ARID4B: variants seen among roughly 807,000 people sequenced by gnomAD.
ARID4B encodes AT-rich interaction domain 4B.
In ARID4B, 26 loss-of-function variants were observed where a neutral mutation model predicts 147.5. The observed-to-expected ratio is 0.18, with a 90% CI of 0.13 to 0.24. The LOEUF (loss-of-function observed/expected upper bound fraction) is 0.24, where lower values mean the gene tolerates loss of function less well. Among genes scored for constraint, ARID4B ranks in the 10% least tolerant of loss-of-function variants. ARID4B has a pLI of 1.00. For synonymous variants in ARID4B, 512 were observed against 507.9 expected, an observed-to-expected ratio of 1.01 and a Z score of -0.11; for missense variants, 1,179 against 1,511.5, an observed-to-expected ratio of 0.78 and a Z score of 3.65.
intron 2 of ARID4B, among the ~76,000 whole-genome samples, chr1:235,309,671 T>C (rs1288768612): frequency 7.3e-6 from 1 of 136,850 alleles, no homozygotes; most frequent in African/African-American, 2.7e-5. Flanking sequence ...GTCTGGGAGG[T>C]GTACCCAACA....
In ARID4B at chr1:235,169,120, A is replaced by G. The variant is rs1162198314; in HGVS notation, c.3812-468T>C. On this transcript the variant is annotated intron_variant, in intron 23 of 23. Transcript: ENST00000264183. ...AGGCTTAATTGCTTCTTCAAGTTGG[A>G]TCAAAACAGTGCATAGCTCAACTGT... 3.3e-5 allele frequency among the ~76,000 whole-genome samples: 5 copies of G among 152,232 alleles called. No individual in the cohort carries two copies. In the South Asian group the frequency reaches 1.0e-3, roughly 32 times the overall value.
intron 1 of ARID4B, 168 bp from the exon 2 acceptor site, chr1:235,327,136 AT>A (rs1233190775): frequency 5.0e-5 from 29 of 580,330 alleles, no homozygotes; most frequent in Middle Eastern, 4.7e-4. Context: ...CGGCCCCGCC[AT>A]CCCCGCAAAC....
Position 235,182,039 on chromosome 1 carries a change from T to C in ARID4B, c.2880A>G (p.Pro960=). 6.2e-7 allele frequency: 1 copy of C among 1,614,144 alleles called. No homozygotes were observed. The highest frequency in any genetic ancestry group is 8.5e-7 in the Non-Finnish European group (1 of 1,180,020). ...EAAASPPHPA[P]EEGVAEESLQ... is the part of the protein sequence containing the mutation. Reference sequence around the variant, plus strand: ...GTGACTCCTCTGCCACCCCCTCCTCTGGGGCAGGATGCGGTGGGGAAGCTG... The same window carrying C: ...GTGACTCCTCTGCCACCCCCTCCTCCGGGGCAGGATGCGGTGGGGAAGCTG... The change falls in exon 20 of 24, where the codon CCA becomes CCG. Residue 960 remains proline (P), a synonymous_variant. Coordinates refer to ENST00000264183, the MANE Select transcript of ARID4B (RefSeq NM_016374.6).
At chr1:235,176,213 A>G (rs1235084819) in intron 21 of ARID4B, among the ~76,000 whole-genome samples, 2 of 152,104 alleles carry the variant, frequency 1.3e-5, no homozygotes, top group African/African-American at 4.8e-5. Context: ...CAGAATCCCA[A>G]TAAGTAAAAT....
rs148248594 is a variant in ARID4B, at chr1:235,269,782, G to A, written c.7-9030C>T. On this transcript the variant is annotated intron_variant, in intron 2 of 23. Coordinates refer to ENST00000264183, the MANE Select transcript of ARID4B (RefSeq NM_016374.6). ...AACAACTGGCCAGTCTGGTGAAGGA[G>A]ATTACATGAACTATTTATACAGCAA... is the stretch of plus-strand genomic sequence containing the variant. Among the ~76,000 whole-genome samples the A allele has an allele frequency of 4.9e-3, 749 of 152,020 alleles. 7 individuals are homozygous for A. The highest frequency in any genetic ancestry group is 0.017 in the African/African-American group (702 of 41,456).
intron 2 of ARID4B, among the ~76,000 whole-genome samples, chr1:235,272,435 A>T (rs1028228023): frequency 6.6e-6 from 1 of 152,220 alleles, no homozygotes; most frequent in African/African-American, 2.4e-5. Flanking sequence ...AAAAGATTAG[A>T]CATTAGTTAA....
At chr1:235,207,176 A>C (rs1230397275) in intron 17 of ARID4B, among the ~76,000 whole-genome samples, 1 of 152,242 alleles carries the variant, frequency 6.6e-6, no homozygotes, top group Non-Finnish European at 1.5e-5. Flanking sequence ...CAGTAGGTAC[A>C]AAGCAAGGTC....
chr1:235,246,931 TAA>T (rs1200398764), intron 6 of ARID4B, among the ~76,000 whole-genome samples: 1 of 152,208 alleles, frequency 6.6e-6, no homozygotes, highest in African/African-American at 2.4e-5. Context: ...AAATTATTAA[TAA>T]GAAACAAAAT....
At chr1:235,245,670 T>G (rs924745365) in intron 7 of ARID4B, among the ~76,000 whole-genome samples, 6 of 152,180 alleles carry the variant, frequency 3.9e-5, no homozygotes, top group Admixed American at 2.6e-4. Context: ...CATATATAAA[T>G]GAAACTGTTA....
At chr1:235,283,493 A>G (rs1458821019) in intron 2 of ARID4B, among the ~76,000 whole-genome samples, 1 of 152,220 alleles carries the variant, frequency 6.6e-6, no homozygotes, top group Admixed American at 6.5e-5. Flanking sequence ...CTGAATTACG[A>G]GTGATCTTTT....
chr1:235,229,129 A>G (rs1668039049), intron 11 of ARID4B, 102 bp downstream of exon 11: 4 of 1,321,300 alleles, frequency 3.0e-6, no homozygotes, highest in Non-Finnish European at 4.1e-6. Context: ...TTCTCATACT[A>G]AAAATACTTA....
intron 23 of ARID4B, among the ~76,000 whole-genome samples, chr1:235,171,646 T>TC (rs1447489669): frequency 9.1e-6 from 1 of 110,068 alleles, no homozygotes; most frequent in African/African-American, 3.9e-5. Flanking sequence ...GATAGATGTC[T>TC]TTTTTTTTTT....
chr1:235,212,807 T>C (rs1227130799), intron 17 of ARID4B, among the ~76,000 whole-genome samples: 1 of 152,130 alleles, frequency 6.6e-6, no homozygotes, highest in East Asian at 1.9e-4. Flanking sequence ...TTTGCAACAC[T>C]CAAACACAGA....
chr1:235,281,182 A>G (rs918715647), intron 2 of ARID4B, among the ~76,000 whole-genome samples: 5 of 152,160 alleles, frequency 3.3e-5, no homozygotes, highest in African/African-American at 1.2e-4. Context: ...GCACTTTGGG[A>G]GGCCAAGGCG....
intron 2 of ARID4B, among the ~76,000 whole-genome samples, chr1:235,303,339 T>C (rs1368720187): frequency 1.3e-5 from 2 of 151,828 alleles, no homozygotes; most frequent in African/African-American, 2.4e-5. Context: ...CCAGTGGTTC[T>C]AAAAGCCAGT....
At chr1:235,210,266 A>T (rs1429011544) in intron 17 of ARID4B, among the ~76,000 whole-genome samples, 7 of 151,958 alleles carry the variant, frequency 4.6e-5, no homozygotes, top group African/African-American at 9.7e-5. Context: ...GTTTCAGATT[A>T]AAAAAACCAT....
chr1:235,218,004 C>G (rs1667208182), intron 16 of ARID4B, among the ~76,000 whole-genome samples: 1 of 152,120 alleles, frequency 6.6e-6, no homozygotes, highest in Non-Finnish European at 1.5e-5. Flanking sequence ...TAAGCAATGA[C>G]TAATAACAAA....
intron 16 of ARID4B, among the ~76,000 whole-genome samples, chr1:235,218,864 ATT>A (rs67129831): frequency 7.0e-5 from 9 of 128,658 alleles, no homozygotes; most frequent in East Asian, 2.2e-4. Flanking sequence ...ACGCTAAATG[ATT>A]TTTTTTTTTT....
chr1:235,231,276 A>G, intron 9 of ARID4B, 87 bp from the exon 10 acceptor site: 2 of 697,834 alleles, frequency 2.9e-6, no homozygotes, highest in East Asian at 5.9e-5. Context: ...TACATATCAC[A>G]GAAAGATACT....
Sources: allele counts gnomAD v4.1 joint callset (sites outside exome capture counted in the v4.1 genomes callset), GRCh38; gene constraint gnomAD v4.1.1; transcripts MANE v1.5; gene names NCBI Gene and HGNC (gene_info 2026-07-23, HGNC 2026-07-21).